The following TMEM117 variants were observed in gnomAD, a reference collection of about 807,000 sequenced individuals.
The protein encoded by TMEM117 is transmembrane protein 117.
A neutral mutation model predicts 52.4 loss-of-function variants in TMEM117; 27 were observed. That is an observed-to-expected ratio of 0.51 (90% CI 0.38 to 0.71). The LOEUF (loss-of-function observed/expected upper bound fraction) is 0.71. Ranked by LOEUF, TMEM117 falls within the 30% of genes least tolerant of loss-of-function variation. The pLI is 0.00. For missense variants in TMEM117, 556 were observed against 630.5 expected, an observed-to-expected ratio of 0.88 and a Z score of 1.26; for synonymous variants, 215 against 206.3, an observed-to-expected ratio of 1.04 and a Z score of -0.36.
At chr12:43,886,829 A>T (rs993150067) in intron 2 of TMEM117, among the ~76,000 whole-genome samples, 1 of 151,856 alleles carries the variant, frequency 6.6e-6, no homozygotes, top group Non-Finnish European at 1.5e-5. Flanking sequence ...GTTCCGCTCT[A>T]TGTGTCCGTG....
chr12:44,291,320 T>C (rs1303418657), intron 5 of TMEM117, among the ~76,000 whole-genome samples: 1 of 151,854 alleles, frequency 6.6e-6, no homozygotes, highest in Non-Finnish European at 1.5e-5. Flanking sequence ...CTAACTTTTG[T>C]ATGTTGATTT....
chr12:44,028,776 T>C (rs558006060), intron 3 of TMEM117, among the ~76,000 whole-genome samples: 1 of 152,332 alleles, frequency 6.6e-6, no homozygotes, highest in South Asian at 2.1e-4. Context: ...TCCTCTGCCT[T>C]CTTCATAAAC....
At chr12:44,221,897 C>T (rs999658598) in intron 5 of TMEM117, among the ~76,000 whole-genome samples, 1 of 152,066 alleles carries the variant, frequency 6.6e-6, no homozygotes, top group African/African-American at 2.4e-5. Context: ...CGGGATTTCA[C>T]CATGTTGGCC....
At chr12:43,926,462 C>T (rs148207135) in intron 2 of TMEM117, among the ~76,000 whole-genome samples, 42 of 152,238 alleles carry the variant, frequency 2.8e-4, no homozygotes, top group Admixed American at 3.9e-4. Flanking sequence ...ATGTTTACAT[C>T]GGAATTTCAG....
At chr12:44,090,849 G>T (rs7484649) in intron 3 of TMEM117, among the ~76,000 whole-genome samples, 23,961 of 100,274 alleles carry the variant, frequency 0.24, 3,286 homozygotes, top group African/African-American at 0.48. Context: ...GTTTTTTTTT[G>T]TTTTTTTTTT....
chr12:44,080,061 C>T (rs945511869), intron 3 of TMEM117, among the ~76,000 whole-genome samples: 72 of 149,954 alleles, frequency 4.8e-4, no homozygotes, highest in African/African-American at 1.6e-3. Context: ...TCTTTCTCTA[C>T]GTATACTGAG....
chr12:44,264,577 C>T lies in TMEM117; in HGVS notation c.609-35003C>T, dbSNP rs1268449620. On this transcript the variant is annotated intron_variant, in intron 5 of 7. Transcript: ENST00000266534. ...GGATAAGGACAGCAGAGATGTCCCA[C>T]CTAATTGCTGCAAGGGAAGTAAAGG... 2.6e-5 allele frequency among the ~76,000 whole-genome samples: 4 copies of T among 152,108 alleles called. No homozygotes were observed. The East Asian group carries it at 7.7e-4, about 29-fold the overall frequency.
intron 6 of TMEM117, among the ~76,000 whole-genome samples, chr12:44,355,653 C>T (rs570579789): frequency 2.0e-5 from 3 of 152,162 alleles, no homozygotes; most frequent in South Asian, 2.1e-4. Flanking sequence ...TGCCACCCTC[C>T]GAAATGTAGG....
At chr12:43,866,502 G>A (rs1943602435) in intron 2 of TMEM117, among the ~76,000 whole-genome samples, 1 of 152,022 alleles carries the variant, frequency 6.6e-6, no homozygotes, top group African/African-American at 2.4e-5. Context: ...CAGAGCCTGG[G>A]AGGTCGAGGC....
intron 3 of TMEM117, among the ~76,000 whole-genome samples, chr12:44,080,355 TA>T (rs1177392313): frequency 6.6e-6 from 1 of 152,076 alleles, no homozygotes; most frequent in Non-Finnish European, 1.5e-5. Flanking sequence ...AAGAACCTTA[TA>T]AAATCATCAG....
At chr12:43,889,376 C>T (rs1283286565) in intron 2 of TMEM117, among the ~76,000 whole-genome samples, 1 of 152,196 alleles carries the variant, frequency 6.6e-6, no homozygotes, top group Non-Finnish European at 1.5e-5. Context: ...AGCCACCGAG[C>T]CTGGCCTGGA....
At chr12:43,922,406 G>A (rs898240967) in intron 2 of TMEM117, among the ~76,000 whole-genome samples, 2 of 152,150 alleles carry the variant, frequency 1.3e-5, no homozygotes, top group African/African-American at 2.4e-5. Context: ...TTAACATATA[G>A]GTAAATGTAG....
chr12:44,336,894 G>C (rs1054577100), intron 6 of TMEM117, among the ~76,000 whole-genome samples: 2 of 151,952 alleles, frequency 1.3e-5, no homozygotes, highest in African/African-American at 4.8e-5. Context: ...CTGTCATCTA[G>C]AGCAATTCCT....
intron 6 of TMEM117, among the ~76,000 whole-genome samples, chr12:44,353,840 A>C (rs1267570177): frequency 1.3e-5 from 2 of 152,216 alleles, no homozygotes; most frequent in Non-Finnish European, 2.9e-5. Context: ...GAAGAAAGTC[A>C]TTGGTAGCTT....
rs1282086958 is a variant in TMEM117, at chr12:44,181,895, G to T, written c.511-29395G>T. On this transcript the variant is annotated intron_variant, in intron 4 of 7. Coordinates refer to ENST00000266534, the MANE Select transcript of TMEM117 (RefSeq NM_032256.3). Reference sequence around the variant, plus strand: ...GTTTTTTCCAATTCTGTGAAGAAAGGCATTGGTAGCTTGATGGGGATGGCC... The same window carrying T: ...GTTTTTTCCAATTCTGTGAAGAAAGTCATTGGTAGCTTGATGGGGATGGCC... Among the ~76,000 whole-genome samples the T allele has an allele frequency of 1.4e-4, 22 of 151,910 alleles. No homozygotes were observed. In the South Asian group the frequency reaches 1.9e-3, roughly 13 times the overall value.
the TMEM117 span, chr12:43,800,355 G>A: frequency 1.2e-5 from 11 of 919,752 alleles, no homozygotes; most frequent in Middle Eastern, 3.5e-4. Context: ...ATCTGAATTC[G>A]TATCAATTAC....
At chr12:44,101,391 G>C (rs1461656104) in intron 3 of TMEM117, among the ~76,000 whole-genome samples, 1 of 151,786 alleles carries the variant, frequency 6.6e-6, no homozygotes, top group Non-Finnish European at 1.5e-5. Flanking sequence ...TTTCCTTTCA[G>C]TCTCTTTCAT....
At chr12:43,955,303 C>A (rs1204084588) in intron 3 of TMEM117, among the ~76,000 whole-genome samples, 1 of 152,078 alleles carries the variant, frequency 6.6e-6, no homozygotes, top group Non-Finnish European at 1.5e-5. Context: ...GGCAATCAAG[C>A]AAGAGAAAGA....
chr12:44,118,532 A>G (rs1948182971), intron 3 of TMEM117, among the ~76,000 whole-genome samples: 1 of 152,220 alleles, frequency 6.6e-6, no homozygotes, highest in Non-Finnish European at 1.5e-5. Context: ...ATAGCAAAGC[A>G]AGGGCAGCTC....
Sources: allele counts gnomAD v4.1 joint callset (sites outside exome capture counted in the v4.1 genomes callset), GRCh38; gene constraint gnomAD v4.1.1; transcripts MANE v1.5; gene names NCBI Gene and HGNC (gene_info 2026-07-23, HGNC 2026-07-21).